Variants in XPO4 observed in about 807,000 individuals in gnomAD.
XPO4 encodes the protein exportin 4, also known as exportin-4.
Under a neutral mutation model 143.0 loss-of-function variants are expected in XPO4, and 39 were observed. The ratio of observed to expected loss-of-function variants is 0.27; its 90% confidence interval spans 0.21 to 0.36. XPO4 has a LOEUF of 0.36. XPO4 is among the 10% of genes least tolerant of loss of function. XPO4 has a pLI of 1.00. For synonymous variants in XPO4, 439 were observed against 474.0 expected (o/e 0.93, Z 0.96); for missense variants, 907 against 1,348.0 (o/e 0.67, Z 5.12).
At chr13:20,867,046 A>C (rs1016472576) in intron 2 of XPO4, among the ~76,000 whole-genome samples, 4 of 152,212 alleles carry the variant, frequency 2.6e-5, no homozygotes. Context: ...AATGCTGAAC[A>C]ATTTCAAGGC....
At chr13:20,786,910 A>G in intron 22 of XPO4, 55 bp downstream of exon 22, 1 of 1,447,308 alleles carries the variant, frequency 6.9e-7, no homozygotes, top group Non-Finnish European at 9.3e-7. Context: ...TATCTCAACA[A>G]TCTCTTTGCA....
At chr13:20,806,529 T>TTTCAGGA (rs1350465328) in intron 13 of XPO4, among the ~76,000 whole-genome samples, 1 of 141,164 alleles carries the variant, frequency 7.1e-6, no homozygotes, top group Non-Finnish European at 1.5e-5. Flanking sequence ...TCAAATTCAC[T>TTTCAGGA]TTCAGGACCC....
At chr13:20,874,398 CA>C (rs1360038668) in intron 1 of XPO4, among the ~76,000 whole-genome samples, 1 of 152,092 alleles carries the variant, frequency 6.6e-6, no homozygotes, top group East Asian at 1.9e-4. Context: ...TGCTATGATT[CA>C]AATCTGTTCG....
At chr13:20,830,960 C>T (rs2059845541) in intron 6 of XPO4, among the ~76,000 whole-genome samples, 1 of 151,992 alleles carries the variant, frequency 6.6e-6, no homozygotes, top group Non-Finnish European at 1.5e-5. Flanking sequence ...TAATGATACA[C>T]AAATCTGGAC....
intron 3 of XPO4, among the ~76,000 whole-genome samples, chr13:20,859,192 G>A (rs191958205): frequency 6.6e-6 from 1 of 152,008 alleles, no homozygotes; most frequent in African/African-American, 2.4e-5. Flanking sequence ...AAGGAGGCTG[G>A]GCACGGTGGC....
At chr13:20,785,931 AAAAGAAAAATG>A (rs2059198402) in intron 22 of XPO4, among the ~76,000 whole-genome samples, 1 of 150,826 alleles carries the variant, frequency 6.6e-6, no homozygotes, top group Non-Finnish European at 1.5e-5. Context: ...GAAAGGAAAG[AAAAGAAAAATG>A]AAAGAAAAAG....
intron 3 of XPO4, among the ~76,000 whole-genome samples, chr13:20,860,195 TGTTA>T (rs2060184216): frequency 1.3e-5 from 2 of 152,362 alleles, no homozygotes; most frequent in South Asian, 4.1e-4. Context: ...AGAGACTTTA[TGTTA>T]GTTTCCCAAG....
chr13:20,846,604 A>T (rs781066627), intron 4 of XPO4, among the ~76,000 whole-genome samples: 1 of 152,232 alleles, frequency 6.6e-6, no homozygotes, highest in Non-Finnish European at 1.5e-5. Flanking sequence ...CTGAACACGT[A>T]AGAATCTTTC....
At chr13:20,879,406 A>G (rs1342882730) in intron 1 of XPO4, 2 of 781,524 alleles carry the variant, frequency 2.6e-6, no homozygotes, top group East Asian at 1.3e-4. Context: ...GAATACCCAC[A>G]AGCAGGCCTA....
intron 4 of XPO4, among the ~76,000 whole-genome samples, chr13:20,854,544 A>C (rs1326430715): frequency 6.6e-6 from 1 of 152,226 alleles, no homozygotes; most frequent in Non-Finnish European, 1.5e-5. Context: ...TGATTAAATA[A>C]ATTGTAAAGG....
chr13:20,895,448 A>G (rs1306702626), intron 1 of XPO4, among the ~76,000 whole-genome samples: 1 of 152,026 alleles, frequency 6.6e-6, no homozygotes, highest in Non-Finnish European at 1.5e-5. Flanking sequence ...CCTGGCCAAC[A>G]AGGTGAAACC....
At position 20,778,564 on chromosome 13, in the gene XPO4, A is replaced by C. The variant is rs1315712215; in HGVS notation, c.*5158T>G. 3 of 152,196 alleles carry C rather than the reference A, an allele frequency of 2.0e-5. No homozygotes were observed. Among genetic ancestry groups the C allele is most frequent in the Non-Finnish European group, 4.4e-5 (3 of 68,028 alleles). The allele number at this position is 152,196 out of a possible 1,614,324, so 9.4% of individuals were successfully genotyped here. ...AATATGCACCAAAGATAATGACTTA[A>C]CTAGTAACTGTGAAACTGTTTCTAA... On this transcript the variant is annotated 3_prime_UTR_variant, in exon 23 of 23. Transcript: ENST00000255305.
rs2059164856 is a variant in XPO4, at chr13:20,783,551, TGCCAA to T, written c.*166_*170del. 1.6e-6 allele frequency: 1 copy of T among 639,262 alleles called. No individual in the cohort carries two copies. The highest frequency in any genetic ancestry group is 2.8e-5 in the Admixed American group (1 of 35,408). The allele number at this position is 639,262 out of a possible 1,614,324, so 39.6% of individuals were successfully genotyped here. ...GCTAACACTTAACAGCAGAAGCTGA[TGCCAA>T]GTTGACCTCTCCTGTTTCACTGTAT... On this transcript the variant is annotated 3_prime_UTR_variant, in exon 23 of 23. Coordinates refer to ENST00000255305, the MANE Select transcript of XPO4 (RefSeq NM_022459.5).
Position 20,888,315 on chromosome 13 carries a change from T to A in XPO4, c.69+14355A>T, listed in dbSNP as rs1442096424. Among the ~76,000 whole-genome samples, 3 of 152,114 alleles carry A rather than the reference T, an allele frequency of 2.0e-5. No homozygotes were observed. The East Asian group carries it at 5.8e-4, about 29-fold the overall frequency. ...ACTACATTGCCCCAAGTATATGGCATGATCTTTTGAGAAGATATAAAAGAA... is the reference window on the plus strand; with the variant it reads ...ACTACATTGCCCCAAGTATATGGCAAGATCTTTTGAGAAGATATAAAAGAA... On this transcript the variant is annotated intron_variant, in intron 1 of 22. Transcript: ENST00000255305.
intron 4 of XPO4, among the ~76,000 whole-genome samples, chr13:20,847,051 A>G (rs1286184495): frequency 6.6e-6 from 1 of 152,160 alleles, no homozygotes; most frequent in African/African-American, 2.4e-5. Context: ...AAATATACCA[A>G]ATAGTATAAG....
chr13:20,850,224 G>A (rs2138083508), intron 4 of XPO4: 1 of 984,978 alleles, frequency 1.0e-6, no homozygotes, highest in Non-Finnish European at 1.2e-6. Flanking sequence ...TTCACTTCCC[G>A]AGATTCTATG....
chr13:20,902,376 T>C, intron 1 of XPO4: 1 of 985,370 alleles, frequency 1.0e-6, no homozygotes, highest in Non-Finnish European at 1.2e-6. Context: ...TGCGACCCAG[T>C]CTGTGGGGCA....
chr13:20,880,406 T>C (rs1005239631), intron 1 of XPO4, among the ~76,000 whole-genome samples: 1 of 149,590 alleles, frequency 6.7e-6, no homozygotes, highest in South Asian at 2.1e-4. Flanking sequence ...CACTCCAGCC[T>C]GGGCGACAAG....
At chr13:20,798,705 G>C (rs1284125211) in intron 16 of XPO4, among the ~76,000 whole-genome samples, 1 of 152,046 alleles carries the variant, frequency 6.6e-6, no homozygotes, top group Non-Finnish European at 1.5e-5. Context: ...CCATTCATTA[G>C]GAGAAAAAAT....
Sources: allele counts gnomAD v4.1 joint callset (sites outside exome capture counted in the v4.1 genomes callset), GRCh38; gene constraint gnomAD v4.1.1; transcripts MANE v1.5; gene names NCBI Gene and HGNC (gene_info 2026-07-23, HGNC 2026-07-21).